C3orf22: variants seen among roughly 807,000 people sequenced by gnomAD.
The protein encoded by C3orf22 is uncharacterized protein C3orf22.
In C3orf22, 7 loss-of-function variants were observed where a neutral mutation model predicts 10.8. That is an observed-to-expected ratio of 0.65 (90% CI 0.37 to 1.22). The LOEUF (loss-of-function observed/expected upper bound fraction) is 1.22, where lower values mean the gene tolerates loss of function less well. C3orf22 is among the 50% of genes most tolerant of loss of function. The pLI is 0.02. For missense variants in C3orf22, 173 were observed against 177.0 expected, an observed-to-expected ratio of 0.98 and a Z score of 0.13; for synonymous variants, 79 against 78.9, an observed-to-expected ratio of 1.00 and a Z score of 0.00.
intron 4 of C3orf22, among the ~76,000 whole-genome samples, chr3:126,540,775 G>A (rs536253937): frequency 1.1e-3 from 164 of 152,256 alleles, no homozygotes; most frequent in Middle Eastern, 6.8e-3. Flanking sequence ...TGGTTTTGAG[G>A]AACTGCCAAA....
At chr3:126,538,557 G>A (rs769395841) in intron 4 of C3orf22, among the ~76,000 whole-genome samples, 12 of 152,238 alleles carry the variant, frequency 7.9e-5, no homozygotes, top group Non-Finnish European at 1.2e-4. Context: ...AGCCGGGGTC[G>A]GCCAGCAAGG....
chr3:126,554,709 C>G (rs796309088), intron 1 of C3orf22, among the ~76,000 whole-genome samples: 1 of 152,142 alleles, frequency 6.6e-6, no homozygotes, highest in Non-Finnish European at 1.5e-5. Context: ...TGGTAGCCAC[C>G]TCAGCCAGCA....
downstream of C3orf22, among the ~76,000 whole-genome samples, chr3:126,547,037 C>T (rs1937080599): frequency 6.6e-6 from 1 of 152,230 alleles, no homozygotes; most frequent in East Asian, 1.9e-4. Flanking sequence ...TACCCTCCTC[C>T]TGCATAGGTG....
exon 5 of C3orf22, chr3:126,529,264 G>A (rs111630412): frequency 3.8e-5 from 47 of 1,220,930 alleles, no homozygotes; most frequent in East Asian, 2.8e-4. Context: ...GCAACATGAC[G>A]TGTGCGGGTG....
In C3orf22 at chr3:126,551,769, C is replaced by A. The variant is rs975270115; in HGVS notation, c.215+228G>T. ...CTCCAACTAGGCCTAACCCCGGTGGCCTGGGCCCTGCCCAGGGAAGGTTCT... is the reference window on the plus strand; with the variant it reads ...CTCCAACTAGGCCTAACCCCGGTGGACTGGGCCCTGCCCAGGGAAGGTTCT... On this transcript the variant is annotated intron_variant, in intron 3 of 3. Transcript: ENST00000318225. 2.6e-5 allele frequency among the ~76,000 whole-genome samples: 4 copies of A among 152,258 alleles called. No homozygotes were observed. The East Asian group carries it at 7.7e-4, about 29-fold the overall frequency.
At chr3:126,552,668 A>G (rs1259297706) in intron 2 of C3orf22, among the ~76,000 whole-genome samples, 1 of 152,128 alleles carries the variant, frequency 6.6e-6, no homozygotes, top group Non-Finnish European at 1.5e-5. Flanking sequence ...AGCCCTGCCA[A>G]GCATCCAGGG....
intron 4 of C3orf22, chr3:126,541,913 A>G: frequency 6.3e-7 from 1 of 1,599,672 alleles, no homozygotes; most frequent in Non-Finnish European, 8.5e-7. Flanking sequence ...CACCAACTGG[A>G]AGCGCGTGCT....
intron 4 of C3orf22, among the ~76,000 whole-genome samples, chr3:126,531,335 T>G (rs2107564224): frequency 6.6e-6 from 1 of 152,364 alleles, no homozygotes; most frequent in East Asian, 1.9e-4. Flanking sequence ...TCCTCAGATT[T>G]CCCAAGTTTA....
intron 3 of C3orf22, among the ~76,000 whole-genome samples, chr3:126,551,690 T>A (rs1474323551): frequency 6.6e-6 from 1 of 152,188 alleles, no homozygotes; most frequent in Admixed American, 6.5e-5. Context: ...TGCTCTCCCA[T>A]GTGGAGGACT....
rs796206026 is a variant in C3orf22, at chr3:126,558,790, T to G, written c.-204A>C. ...TCTGGAAAGACCCAGTCCCAGGCTA[T>G]GCCCAGAGCTTCCAGCCAGAAAGGA... On this transcript the variant is annotated 5_prime_UTR_variant, in exon 1 of 4. Coordinates refer to ENST00000318225, the MANE Select transcript of C3orf22 (RefSeq NM_152533.3). The G allele has an allele frequency of 4.6e-5, 7 of 152,430 alleles. No homozygotes were observed. Among genetic ancestry groups the G allele is most frequent in the African/African-American group, 1.4e-4 (6 of 41,592 alleles). 9.4% of individuals were successfully genotyped at this position (152,430 alleles called of 1,614,324 possible).
intron 2 of C3orf22, 136 bp downstream of exon 2, chr3:126,553,166 C>T: frequency 2.7e-6 from 2 of 736,454 alleles, no homozygotes; most frequent in South Asian, 1.6e-5. Flanking sequence ...GTCAGCTGGG[C>T]AAGGGCTGCT....
chr3:126,529,214 T>G (rs1936598047), exon 5 of C3orf22: 1 of 854,396 alleles, frequency 1.2e-6, no homozygotes, highest in African/African-American at 1.7e-5. Context: ...GTTTCTAGTG[T>G]GGTGTTTCAC....
chr3:126,550,281 C>T (rs910260598), intron 3 of C3orf22, among the ~76,000 whole-genome samples: 2 of 152,126 alleles, frequency 1.3e-5, no homozygotes, highest in Non-Finnish European at 2.9e-5. Context: ...CACACTCACC[C>T]CCCCACACAG....
chr3:126,546,297 C>T (rs1239365617), downstream of C3orf22, among the ~76,000 whole-genome samples: 1 of 152,186 alleles, frequency 6.6e-6, no homozygotes, highest in African/African-American at 2.4e-5. Flanking sequence ...GCTTTTATCC[C>T]TGCATGAAGG....
At chr3:126,543,634 G>A (rs1445972986) in intron 4 of C3orf22, among the ~76,000 whole-genome samples, 4 of 152,076 alleles carry the variant, frequency 2.6e-5, no homozygotes, top group African/African-American at 4.8e-5. Flanking sequence ...ACCTTTGTGC[G>A]TGTGTGACTG....
At chr3:126,542,085 A>G in intron 4 of C3orf22, 1 of 1,584,220 alleles carries the variant, frequency 6.3e-7, no homozygotes, top group Non-Finnish European at 8.6e-7. Context: ...GAGCCCTTCG[A>G]GCGCCTGGCA....
At position 126,553,298 on chromosome 3, in the gene C3orf22, G is replaced by A. The variant is rs201734753; in HGVS notation, c.89+4C>T. The A allele has an allele frequency of 6.2e-6, 10 of 1,607,980 alleles. No individual in the cohort carries two copies. The highest frequency in any genetic ancestry group is 4.5e-5 in the East Asian group (2 of 44,828). ...TTGTCTCCAGAGGTGTCAGCCTCCCGCACCTGTACGGAAACTTCTTGGCAA... is the reference window on the plus strand; with the variant it reads ...TTGTCTCCAGAGGTGTCAGCCTCCCACACCTGTACGGAAACTTCTTGGCAA... On this transcript the variant is annotated splice_donor_region_variant and intron_variant, in intron 2 of 3. Coordinates refer to ENST00000318225, the MANE Select transcript of C3orf22 (RefSeq NM_152533.3).
intron 2 of C3orf22, among the ~76,000 whole-genome samples, chr3:126,552,409 C>T (rs768494604): frequency 6.6e-6 from 1 of 152,176 alleles, no homozygotes; most frequent in South Asian, 2.1e-4. Context: ...CACTTGAGCC[C>T]CTGGGTGCTG....
intron 3 of C3orf22, among the ~76,000 whole-genome samples, chr3:126,551,774 GC>G (rs2107581046): frequency 6.6e-6 from 1 of 152,350 alleles, no homozygotes; most frequent in Admixed American, 6.5e-5. Flanking sequence ...GGTGGCCTGG[GC>G]CCTGCCCAGG....
Sources: allele counts gnomAD v4.1 joint callset (sites outside exome capture counted in the v4.1 genomes callset), GRCh38; gene constraint gnomAD v4.1.1; transcripts MANE v1.5; gene names NCBI Gene and HGNC (gene_info 2026-07-23, HGNC 2026-07-21).